The following SAMD5 variants were observed in gnomAD, a reference collection of about 807,000 sequenced individuals.
SAMD5 encodes the protein sterile alpha motif domain-containing protein 5.
SAMD5 carries 13 observed loss-of-function variants against 11.3 expected under a neutral mutation model. The ratio of observed to expected loss-of-function variants is 1.15; its 90% CI spans 0.75 to 1.83. The LOEUF is 1.83. SAMD5 is among the 40% of genes most tolerant of loss of function. SAMD5 has a pLI of 0.00. For synonymous variants in SAMD5, 129 were observed against 111.3 expected (o/e 1.16, Z -1.00); for missense variants, 255 against 239.1 (o/e 1.07, Z -0.44).
chr6:147,778,386 C>A, the SAMD5 span, among the ~76,000 whole-genome samples: 2 of 152,138 alleles, frequency 1.3e-5, no homozygotes, highest in African/African-American at 4.8e-5. Context: ...GTGGGCATTT[C>A]TACTTGGATG....
intron 1 of SAMD5, among the ~76,000 whole-genome samples, chr6:147,520,307 T>G (rs903703551): frequency 1.3e-5 from 2 of 151,868 alleles, no homozygotes; most frequent in Non-Finnish European, 2.9e-5. Context: ...TAGTAGAGAT[T>G]ACTAAATTTC....
the SAMD5 span, among the ~76,000 whole-genome samples, chr6:147,895,501 G>A: frequency 2.0e-5 from 3 of 152,202 alleles, no homozygotes; most frequent in African/African-American, 7.2e-5. Context: ...GGAATTCAGA[G>A]TGAGGGAGAC....
intron 1 of SAMD5, among the ~76,000 whole-genome samples, chr6:147,563,443 A>T (rs1788986840): frequency 6.6e-6 from 1 of 152,364 alleles, no homozygotes; most frequent in South Asian, 2.1e-4. Context: ...AACCTTTTCC[A>T]AAAGTTTTCC....
intron 1 of SAMD5, among the ~76,000 whole-genome samples, chr6:147,665,285 T>G (rs1199547600): frequency 6.6e-6 from 1 of 152,230 alleles, no homozygotes. Context: ...CTACGAGGTA[T>G]CCTATCAATG....
chr6:147,913,700 AAAC>A, the SAMD5 span, among the ~76,000 whole-genome samples: 145 of 152,308 alleles, frequency 9.5e-4, no homozygotes, highest in African/African-American at 3.1e-3. Flanking sequence ...TGTCTCAAAA[AAAC>A]AACAACAACA....
At chr6:147,543,581 T>G (rs1315561923) in intron 1 of SAMD5, among the ~76,000 whole-genome samples, 1 of 152,226 alleles carries the variant, frequency 6.6e-6, no homozygotes, top group Non-Finnish European at 1.5e-5. Flanking sequence ...TACCTTGTTC[T>G]GAAATTATGC....
chr6:147,508,846 G>A lies in SAMD5; in HGVS notation c.-83G>A. ...GATACCCTTTTCCCCTTGGAGGAGA[G>A]GATTAAAAGTTCCAAGAACTGGTGC... On this transcript the variant is annotated 5_prime_UTR_variant, in exon 1 of 2. Transcript: ENST00000367474. 6.6e-7 allele frequency: 1 copy of A among 1,525,868 alleles called. No individual in the cohort carries two copies. Among genetic ancestry groups the A allele is most frequent in the Non-Finnish European group, 8.8e-7 (1 of 1,141,308 alleles). 94.5% of individuals were successfully genotyped at this position (1,525,868 alleles called of 1,614,324 possible).
the SAMD5 span, among the ~76,000 whole-genome samples, chr6:147,780,505 G>A: frequency 1.3e-5 from 2 of 152,122 alleles, no homozygotes; most frequent in East Asian, 3.9e-4. Flanking sequence ...ACTGCACCGG[G>A]CCTATAAACT....
At chr6:147,925,284 G>T in the SAMD5 span, among the ~76,000 whole-genome samples, 336 of 152,216 alleles carry the variant, frequency 2.2e-3, no homozygotes, top group Middle Eastern at 0.01. Flanking sequence ...AAATCCAACT[G>T]CAAGTTAAAA....
At chr6:147,928,122 G>C in the SAMD5 span, among the ~76,000 whole-genome samples, 1 of 152,118 alleles carries the variant, frequency 6.6e-6, no homozygotes, top group Non-Finnish European at 1.5e-5. Flanking sequence ...TTGGCCTGAT[G>C]TGTTCTTTTT....
chr6:147,603,194 A>G (rs778245252), intron 1 of SAMD5, among the ~76,000 whole-genome samples: 2 of 152,192 alleles, frequency 1.3e-5, no homozygotes, highest in African/African-American at 4.8e-5. Context: ...ATTTCAGGGT[A>G]ATTACAACAG....
chr6:147,849,717 C>T, the SAMD5 span, among the ~76,000 whole-genome samples: 2 of 152,170 alleles, frequency 1.3e-5, no homozygotes, highest in Non-Finnish European at 2.9e-5. Flanking sequence ...GCCGAGGGCA[C>T]GTTCACAATC....
the SAMD5 span, among the ~76,000 whole-genome samples, chr6:147,753,896 A>G: frequency 6.6e-6 from 1 of 152,122 alleles, no homozygotes; most frequent in South Asian, 2.1e-4. Flanking sequence ...ATTTCTTTTT[A>G]TGGCTGAATA....
chr6:147,753,234 G>A, the SAMD5 span, among the ~76,000 whole-genome samples: 1 of 152,172 alleles, frequency 6.6e-6, no homozygotes, highest in Non-Finnish European at 1.5e-5. Context: ...TTCATGGGAG[G>A]CAGGCCCTGT....
In SAMD5 at chr6:147,568,447, T is replaced by G; in HGVS notation, c.*3991T>G. ...ATTTGATTAGGTATCAAAATAGGTT[T>G]AGGCAGGTGGAAGTTCTGAATTTCA... On this transcript the variant is annotated 3_prime_UTR_variant, in exon 2 of 2. Coordinates refer to ENST00000367474, the MANE Select transcript of SAMD5 (RefSeq NM_001030060.3). The G allele has an allele frequency of 3.0e-6, 3 of 985,388 alleles. No homozygotes were observed. The highest frequency in any genetic ancestry group is 3.6e-6 in the Non-Finnish European group (3 of 829,874). 61.0% of individuals were successfully genotyped at this position (985,388 alleles called of 1,614,324 possible).
intron 1 of SAMD5, among the ~76,000 whole-genome samples, chr6:147,578,860 T>G (rs928126658): frequency 6.6e-6 from 1 of 152,196 alleles, no homozygotes; most frequent in Non-Finnish European, 1.5e-5. Context: ...AAAGAAGAGT[T>G]AGACATGGGT....
chr6:147,633,372 G>A (rs573498278), intron 1 of SAMD5, among the ~76,000 whole-genome samples: 1 of 152,210 alleles, frequency 6.6e-6, no homozygotes, highest in South Asian at 2.1e-4. Flanking sequence ...CTTTTGGGCT[G>A]CGGTTTCTTA....
chr6:147,840,663 T>G, the SAMD5 span, among the ~76,000 whole-genome samples: 2 of 152,232 alleles, frequency 1.3e-5, no homozygotes, highest in South Asian at 4.1e-4. Context: ...TCTCTGCTGG[T>G]TAAGGAATGT....
the SAMD5 span, among the ~76,000 whole-genome samples, chr6:147,751,008 G>T: frequency 2.0e-5 from 3 of 152,150 alleles, no homozygotes; most frequent in Admixed American, 2.0e-4. Context: ...CTGAGAAGTT[G>T]CATTGCTGAC....
Sources: allele counts gnomAD v4.1 joint callset (sites outside exome capture counted in the v4.1 genomes callset), GRCh38; gene constraint gnomAD v4.1.1; transcripts MANE v1.5; gene names NCBI Gene and HGNC (gene_info 2026-07-23, HGNC 2026-07-21).